Variants in DCC observed in about 807,000 individuals in gnomAD.
DCC encodes netrin receptor DCC.
In DCC, 58 loss-of-function variants were observed where a neutral mutation model predicts 172.5. That is an observed-to-expected ratio of 0.34 (90% confidence interval 0.27 to 0.42). The LOEUF (loss-of-function observed/expected upper bound fraction) is 0.42. DCC is among the 10% of genes least tolerant of loss of function. The pLI, the probability that DCC is intolerant of heterozygous loss-of-function variation, is 1.00. For missense variants in DCC, 1,740 were observed against 1,791.0 expected (o/e 0.97, Z 0.51); for synonymous variants, 709 against 644.5 (o/e 1.10, Z -1.52).
At chr18:52,476,874 G>A (rs949217517) in intron 1 of DCC, among the ~76,000 whole-genome samples, 2 of 152,174 alleles carry the variant, frequency 1.3e-5, no homozygotes, top group Non-Finnish European at 2.9e-5. Flanking sequence ...TAAAACAATA[G>A]GAGAGTAAGC....
chr18:52,491,486 GGTCA>G (rs1180358929), intron 1 of DCC, among the ~76,000 whole-genome samples: 9 of 152,134 alleles, frequency 5.9e-5, no homozygotes, highest in African/African-American at 2.2e-4. Context: ...TGATTGGCAA[GGTCA>G]GTATGTTTAT....
At chr18:53,385,237 G>A (rs1258631540) in intron 15 of DCC, among the ~76,000 whole-genome samples, 1 of 152,036 alleles carries the variant, frequency 6.6e-6, no homozygotes, top group African/African-American at 2.4e-5. Context: ...TCTGGAGCAG[G>A]TCTTGTTCTT....
chr18:52,419,143 G>GC (rs1987158708), intron 1 of DCC: 1 of 152,228 alleles, frequency 6.6e-6, no homozygotes, highest in Non-Finnish European at 1.5e-5. Flanking sequence ...ACAGGCGTGA[G>GC]CCCCGGCGCC....
chr18:52,960,198 G>A (rs1266396536), intron 5 of DCC, among the ~76,000 whole-genome samples: 3 of 152,202 alleles, frequency 2.0e-5, no homozygotes, highest in South Asian at 2.1e-4. Context: ...TAGGTTTTGT[G>A]TATATTACAA....
At position 52,894,396 on chromosome 18, in the gene DCC, T is replaced by TAC. The variant is rs34974743; in HGVS notation, c.413-11626_413-11625dup. On this transcript the variant is annotated intron_variant, in intron 2 of 28. Coordinates refer to ENST00000442544, the MANE Select transcript of DCC (RefSeq NM_005215.4). ...CTGGATTCCCCAGAAACAGGACACA[T>TAC]ACACACACACACACACACACACATG... 8.1e-3 allele frequency among the ~76,000 whole-genome samples: 1,213 copies of TAC among 148,848 alleles called. 22 individuals are homozygous for TAC. The highest frequency in any genetic ancestry group is 0.054 in the East Asian group (272 of 5,066).
chr18:53,071,082 G>A (rs1265001371), intron 7 of DCC, among the ~76,000 whole-genome samples: 10 of 150,956 alleles, frequency 6.6e-5, no homozygotes, highest in African/African-American at 2.5e-4. Flanking sequence ...TTGTGGCTGA[G>A]AGTTACTCTT....
chr18:52,938,516 G>T (rs1264751485), intron 5 of DCC, among the ~76,000 whole-genome samples: 1 of 152,014 alleles, frequency 6.6e-6, no homozygotes, highest in African/African-American at 2.4e-5. Context: ...TTCTTGAGGG[G>T]AGCTCAAGAA....
intron 7 of DCC, among the ~76,000 whole-genome samples, chr18:53,115,942 A>T (rs1029905714): frequency 6.6e-6 from 1 of 151,432 alleles, no homozygotes; most frequent in African/African-American, 2.4e-5. Context: ...CCAGGGACAA[A>T]TCCTTACCCA....
intron 16 of DCC, among the ~76,000 whole-genome samples, chr18:53,390,213 G>A (rs1908450571): frequency 6.6e-6 from 1 of 151,594 alleles, no homozygotes; most frequent in Non-Finnish European, 1.5e-5. Flanking sequence ...GAAAGCCTGG[G>A]CTCTGTCATT....
At chr18:53,057,446 A>G (rs1472517926) in intron 5 of DCC, among the ~76,000 whole-genome samples, 1 of 152,038 alleles carries the variant, frequency 6.6e-6, no homozygotes, top group Non-Finnish European at 1.5e-5. Context: ...TCTATCACTT[A>G]TTAGTTTTGG....
intron 2 of DCC, among the ~76,000 whole-genome samples, chr18:52,839,263 G>GTGTATGTGTGCATGTTCAAGTA (rs1568136653): frequency 1.3e-5 from 2 of 152,130 alleles, no homozygotes. Context: ...GTGTTTGCAC[G>GTGTATGTGTGCATGTTCAAGTA]TGTATGTGTG....
In DCC at chr18:53,427,989, A is replaced by C. The variant is rs1378432395; in HGVS notation, c.3164-7155A>C. Reference sequence around the variant, plus strand: ...TATAATATATAATATAATATAATATATTATAATAATATATAATATAATACT... The same window carrying C: ...TATAATATATAATATAATATAATATCTTATAATAATATATAATATAATACT... On this transcript the variant is annotated intron_variant, in intron 21 of 28. Transcript: ENST00000442544. 2.3e-5 allele frequency among the ~76,000 whole-genome samples: 2 copies of C among 85,168 alleles called. 1 individual carries two copies. Among genetic ancestry groups the C allele is most frequent in the African/African-American group, 8.8e-5 (2 of 22,804 alleles). The allele number at this position is 85,168 out of a possible 152,430, so 55.9% of individuals were successfully genotyped here. A position where few individuals can be genotyped will look rare whatever the true frequency, so the allele number is the denominator to read the frequency against.
intron 13 of DCC, among the ~76,000 whole-genome samples, chr18:53,313,866 G>A (rs181680919): frequency 3.9e-5 from 6 of 152,218 alleles, no homozygotes; most frequent in Admixed American, 3.3e-4. Context: ...ACCATAATAC[G>A]TTAGCTTAAT....
At chr18:52,811,589 A>T (rs527484234) in intron 2 of DCC, among the ~76,000 whole-genome samples, 178 of 128,490 alleles carry the variant, frequency 1.4e-3, no homozygotes, top group African/African-American at 4.7e-3. Context: ...TAACTGGTGA[A>T]AGTTTTATTT....
At chr18:53,042,182 A>T (rs907666981) in intron 5 of DCC, among the ~76,000 whole-genome samples, 37 of 152,150 alleles carry the variant, frequency 2.4e-4, no homozygotes, top group African/African-American at 8.4e-4. Flanking sequence ...ATGTTCCATC[A>T]ATACCTAGTT....
At chr18:52,424,443 T>A (rs147632481) in intron 1 of DCC, among the ~76,000 whole-genome samples, 2 of 152,160 alleles carry the variant, frequency 1.3e-5, no homozygotes, top group Non-Finnish European at 1.5e-5. Flanking sequence ...ACAAAGTTCG[T>A]AGGGGAAGCA....
At chr18:52,916,452 G>A (rs756364768) in intron 3 of DCC, among the ~76,000 whole-genome samples, 12 of 152,172 alleles carry the variant, frequency 7.9e-5, no homozygotes, top group Non-Finnish European at 1.8e-4. Context: ...GCACCTTTCT[G>A]ATGGGATTGG....
intron 9 of DCC, among the ~76,000 whole-genome samples, chr18:53,201,368 A>G (rs1366193398): frequency 6.6e-6 from 1 of 152,162 alleles, no homozygotes; most frequent in Non-Finnish European, 1.5e-5. Context: ...TTTACTTATC[A>G]ACTGGGCCAC....
chr18:52,547,837 T>C (rs974966559), intron 1 of DCC, among the ~76,000 whole-genome samples: 17 of 152,086 alleles, frequency 1.1e-4, no homozygotes, highest in African/African-American at 3.9e-4. Flanking sequence ...GGATAGTAAA[T>C]ATTATAGACT....
Sources: allele counts gnomAD v4.1 joint callset (sites outside exome capture counted in the v4.1 genomes callset), GRCh38; gene constraint gnomAD v4.1.1; transcripts MANE v1.5; gene names NCBI Gene and HGNC (gene_info 2026-07-23, HGNC 2026-07-21).